AUTS2: variants seen among roughly 807,000 people sequenced by gnomAD.
The protein encoded by AUTS2 is activator of transcription and developmental regulator AUTS2.
AUTS2 carries 17 observed loss-of-function variants against 112.4 expected under a neutral mutation model. The ratio of observed to expected loss-of-function variants is 0.15; its 90% CI spans 0.10 to 0.23. AUTS2 has a LOEUF of 0.23. Ranked by LOEUF, AUTS2 falls within the 10% of genes least tolerant of loss-of-function variation. The pLI, the probability that AUTS2 is intolerant of heterozygous loss-of-function variation, is 1.00. For synonymous variants in AUTS2, 751 were observed against 702.7 expected (o/e 1.07, Z -1.09); for missense variants, 1,510 against 1,701.6 (o/e 0.89, Z 1.98).
chr7:69,637,797 CA>C (rs1319140364), intron 1 of AUTS2, among the ~76,000 whole-genome samples: 8 of 152,268 alleles, frequency 5.3e-5, no homozygotes, highest in Middle Eastern at 3.4e-3. Flanking sequence ...CATCTTGTAT[CA>C]GGGGTGGCCT....
chr7:69,935,850 T>C (rs1348951634), intron 2 of AUTS2, among the ~76,000 whole-genome samples: 1 of 152,192 alleles, frequency 6.6e-6, no homozygotes, highest in Non-Finnish European at 1.5e-5. Flanking sequence ...GTTAGAGCCA[T>C]GAGACCCTCT....
At chr7:69,942,877 C>A (rs1199576530) in intron 2 of AUTS2, among the ~76,000 whole-genome samples, 1 of 152,166 alleles carries the variant, frequency 6.6e-6, no homozygotes, top group Non-Finnish European at 1.5e-5. Context: ...AATATGCTTG[C>A]CAATAGAAAA....
At chr7:70,771,710 G>T (rs1790355631) in intron 11 of AUTS2, 66 bp downstream of exon 11, 2 of 1,450,166 alleles carry the variant, frequency 1.4e-6, no homozygotes, top group South Asian at 1.2e-5. Context: ...CAGGCGTGCA[G>T]GAAGTTCTGC....
chr7:70,244,527 T>C (rs1436976306), intron 4 of AUTS2, among the ~76,000 whole-genome samples: 1 of 152,206 alleles, frequency 6.6e-6, no homozygotes, highest in Non-Finnish European at 1.5e-5. Context: ...AAGGATTCAA[T>C]AGTAAAGATG....
intron 5 of AUTS2, among the ~76,000 whole-genome samples, chr7:70,693,855 G>A (rs1808889356): frequency 6.6e-6 from 1 of 152,098 alleles, no homozygotes. Flanking sequence ...GAAGGCAGCC[G>A]GGGGGAGCCG....
At chr7:69,987,602 A>T (rs1798565838) in intron 2 of AUTS2, among the ~76,000 whole-genome samples, 1 of 152,060 alleles carries the variant, frequency 6.6e-6, no homozygotes, top group Non-Finnish European at 1.5e-5. Context: ...TGTAGCCGGG[A>T]CTACAGGTGT....
At chr7:70,527,779 G>T (rs1435150561) in intron 5 of AUTS2, among the ~76,000 whole-genome samples, 1 of 152,174 alleles carries the variant, frequency 6.6e-6, no homozygotes, top group Non-Finnish European at 1.5e-5. Context: ...GTATTAATGA[G>T]ATAAGATCGA....
At chr7:69,724,999 G>A (rs1267092254) in intron 1 of AUTS2, among the ~76,000 whole-genome samples, 4 of 152,056 alleles carry the variant, frequency 2.6e-5, no homozygotes, top group Admixed American at 6.6e-5. Context: ...TATAAGAACC[G>A]AAGTTTTTAA....
intron 5 of AUTS2, among the ~76,000 whole-genome samples, chr7:70,540,138 GC>G (rs1800490423): frequency 1.3e-5 from 2 of 152,156 alleles, no homozygotes; most frequent in South Asian, 2.1e-4. Context: ...ACCTTCAGCA[GC>G]CCAGCAAAAT....
intron 5 of AUTS2, among the ~76,000 whole-genome samples, chr7:70,618,257 A>G (rs544322171): frequency 4.3e-4 from 65 of 152,014 alleles, no homozygotes; most frequent in Non-Finnish European, 7.4e-4. Flanking sequence ...GGCTTTTGCT[A>G]CCTCTTTGGG....
chr7:69,881,956 A>G (rs990149576), intron 1 of AUTS2, among the ~76,000 whole-genome samples: 1 of 151,764 alleles, frequency 6.6e-6, no homozygotes, highest in Non-Finnish European at 1.5e-5. Context: ...ATTTGAGACC[A>G]GCCTGCCAAC....
chr7:70,045,877 C>T (rs544911582), intron 2 of AUTS2, among the ~76,000 whole-genome samples: 9 of 150,462 alleles, frequency 6.0e-5, no homozygotes, highest in East Asian at 2.0e-4. Context: ...CCGCCTGCCT[C>T]GGCCTCCCAA....
At chr7:70,669,267 C>T (rs1380969048) in intron 5 of AUTS2, among the ~76,000 whole-genome samples, 24 of 152,112 alleles carry the variant, frequency 1.6e-4, no homozygotes, top group Admixed American at 1.5e-3. Context: ...TTTGCAGGTT[C>T]GTTCATTACC....
At chr7:70,216,051 C>G (rs555211100) in intron 4 of AUTS2, among the ~76,000 whole-genome samples, 1 of 152,306 alleles carries the variant, frequency 6.6e-6, no homozygotes, top group South Asian at 2.1e-4. Flanking sequence ...GCCCAACTTT[C>G]TTTAGCACTT....
At chr7:70,075,098 T>C (rs899103871) in intron 2 of AUTS2, among the ~76,000 whole-genome samples, 1 of 152,196 alleles carries the variant, frequency 6.6e-6, no homozygotes, top group African/African-American at 2.4e-5. Flanking sequence ...GGAATAAACC[T>C]GTATTTTGCT....
intron 1 of AUTS2, among the ~76,000 whole-genome samples, chr7:69,776,409 C>A (rs924804938): frequency 6.6e-6 from 1 of 151,974 alleles, no homozygotes; most frequent in African/African-American, 2.4e-5. Context: ...AGGGGTTTCC[C>A]AAATGTAAAT....
At chr7:70,096,609 A>G (rs1039824801) in intron 2 of AUTS2, among the ~76,000 whole-genome samples, 6 of 151,038 alleles carry the variant, frequency 4.0e-5, no homozygotes, top group Non-Finnish European at 7.4e-5. Flanking sequence ...TAAAAAAAAA[A>G]AAAAAAAGAA....
At chr7:69,959,099 T>G (rs907441199) in intron 2 of AUTS2, among the ~76,000 whole-genome samples, 2 of 152,196 alleles carry the variant, frequency 1.3e-5, no homozygotes, top group Non-Finnish European at 2.9e-5. Flanking sequence ...ATCAGTCTTT[T>G]AAGGCAGTGT....
intron 5 of AUTS2, among the ~76,000 whole-genome samples, chr7:70,651,607 A>C (rs1806511475): frequency 6.6e-6 from 1 of 152,170 alleles, no homozygotes; most frequent in Non-Finnish European, 1.5e-5. Context: ...TAATTTATTG[A>C]ATACTGTACT....
Sources: gnomAD v4.1 joint callset for allele counts (sites outside exome capture counted in the v4.1 genomes callset) on GRCh38, gnomAD v4.1.1 for gene constraint, MANE v1.5 for transcripts, NCBI Gene and HGNC (gene_info 2026-07-23, HGNC 2026-07-21) for gene names.